Variants in GYS1 observed in about 807,000 individuals in gnomAD.
GYS1 encodes the protein glycogen synthase 1, also known as glycogen [starch] synthase, muscle.
A neutral mutation model predicts 89.1 loss-of-function variants in GYS1; 60 were observed. That is an observed-to-expected ratio of 0.67 (90% CI 0.55 to 0.84). The LOEUF (loss-of-function observed/expected upper bound fraction) is 0.84. Ranked by LOEUF, GYS1 falls within the 40% of genes least tolerant of loss-of-function variation. GYS1 has a pLI of 0.00. For missense variants in GYS1, 888 were observed against 1,003.1 expected, an observed-to-expected ratio of 0.89 and a Z score of 1.55; for synonymous variants, 366 against 401.7, an observed-to-expected ratio of 0.91 and a Z score of 1.06.
At chr19:48,971,624 G>A (rs945884842) in intron 12 of GYS1, among the ~76,000 whole-genome samples, 1 of 150,722 alleles carries the variant, frequency 6.6e-6, no homozygotes, top group South Asian at 2.1e-4. Context: ...GCACAATCTC[G>A]GCTCACTGCA....
chr19:48,975,666 G>A (rs28491935), intron 10 of GYS1, among the ~76,000 whole-genome samples: 2,633 of 151,940 alleles, frequency 0.017, 39 homozygotes, highest in Middle Eastern at 0.037. Flanking sequence ...GGTGGCTCAC[G>A]CCTGTAATCC....
At chr19:48,986,619 C>T (rs190161055) in intron 3 of GYS1, among the ~76,000 whole-genome samples, 2 of 151,778 alleles carry the variant, frequency 1.3e-5, no homozygotes, top group East Asian at 3.9e-4. Flanking sequence ...TCTCCTGTCT[C>T]AGCCTCCCAA....
At chr19:48,977,115 TG>T (rs946222526) in intron 10 of GYS1, among the ~76,000 whole-genome samples, 2 of 150,512 alleles carry the variant, frequency 1.3e-5, no homozygotes, top group African/African-American at 4.9e-5. Context: ...TGGGGGTGGG[TG>T]GGGGGCTAGT....
chr19:48,988,584 T>C (rs1246889056), intron 2 of GYS1, among the ~76,000 whole-genome samples: 1 of 151,670 alleles, frequency 6.6e-6, no homozygotes, highest in African/African-American at 2.4e-5. Context: ...TCCCAAAGTG[T>C]TGAGATTAGA....
chr19:48,977,219 C>T (rs1193151354), intron 10 of GYS1, among the ~76,000 whole-genome samples: 2 of 152,306 alleles, frequency 1.3e-5, no homozygotes, highest in South Asian at 2.1e-4. Context: ...GATCTTCCTG[C>T]TTTGGCCTCT....
rs745846340 is a variant in GYS1, at chr19:48,985,873, C to G, written c.655G>C (p.Asp219His). ...LGRYLCAGAVDFYNNLENFNV... is the reference protein window; with the variant it reads ...LGRYLCAGAVHFYNNLENFNV... ...ACGTTCTCCAGGTTGTTGTAGAAGT[C>G]CACGGCACCGGCACACAGGTAGCGC... is the stretch of plus-strand genomic sequence containing the variant. The change falls in exon 4 of 16, where the codon GAC becomes CAC. Residue 219 changes from aspartate (D) to histidine (H), a missense_variant. Physicochemically the swap from Asp to His is moderately conservative, Grantham distance 81. Transcript: ENST00000323798. 1.4e-5 allele frequency: 22 copies of G among 1,613,562 alleles called. No individual in the cohort carries two copies. Among genetic ancestry groups the G allele is most frequent in the Non-Finnish European group, 1.9e-5 (22 of 1,180,050 alleles).
chr19:48,970,203 C>A, intron 14 of GYS1: 1 of 457,070 alleles, frequency 2.2e-6, no homozygotes, highest in Non-Finnish European at 4.0e-6. Context: ...AGGCTCACTG[C>A]AGCCTCAACC....
Position 48,969,775 on chromosome 19 carries a change from C to T in GYS1, c.1890G>A (p.Ala630=), listed in dbSNP as rs142457302. 54 of 1,613,524 alleles carry T rather than the reference C, an allele frequency of 3.3e-5. 2 individuals carry two copies. In the Admixed American group the frequency reaches 4.5e-4, roughly 13 times the overall value. ...HFTYEPNEAD[A]AQGYRYPRPA... The stretch of plus-strand genomic sequence containing the variant: ...AAGCAGAAATCCAGGGTCCACTCAC[C>T]GCATCCGCCTCGTTGGGCTCGTAGG... The change falls in exon 15 of 16, where the codon GCG becomes GCA. Residue 630 remains alanine (A), a splice_region_variant and synonymous_variant. Transcript: ENST00000323798.
intron 6 of GYS1, 74 bp from the exon 7 acceptor site, chr19:48,982,449 A>G (rs2038780953): frequency 6.3e-7 from 1 of 1,574,926 alleles, no homozygotes; most frequent in African/African-American, 1.3e-5. Flanking sequence ...TACAAATCCC[A>G]GAAGCTATGG....
intron 5 of GYS1, 82 bp downstream of exon 5, chr19:48,985,379 T>C: frequency 7.0e-7 from 1 of 1,428,664 alleles, no homozygotes; most frequent in Non-Finnish European, 9.8e-7. Flanking sequence ...TACAGTGGGC[T>C]TCTTGGGCTG....
In GYS1 at chr19:48,969,163, T is replaced by A. The variant is rs185997302; in HGVS notation, c.*125A>T. On this transcript the variant is annotated 3_prime_UTR_variant, in exon 16 of 16. Coordinates refer to ENST00000323798, the MANE Select transcript of GYS1 (RefSeq NM_002103.5). ...GGAGGGGGTGGAGTGTTTGGCGGAC[T>A]GGGTGGGGGCACTGCGGGGCCACAC... 1 of 816,464 alleles carries A rather than the reference T, an allele frequency of 1.2e-6. No individual in the cohort carries two copies. The highest frequency in any genetic ancestry group is 2.7e-5 in the East Asian group (1 of 37,402). 50.6% of individuals were successfully genotyped at this position (816,464 alleles called of 1,614,324 possible).
chr19:48,977,025 G>A (rs757451663), intron 10 of GYS1, among the ~76,000 whole-genome samples: 3 of 152,066 alleles, frequency 2.0e-5, no homozygotes, highest in African/African-American at 4.8e-5. Context: ...CTGGGCTCAA[G>A]CGATCCTCCC....
chr19:48,991,449 C>T lies in GYS1; in HGVS notation c.153G>A (p.Ala51=), dbSNP rs754432159. The T allele has an allele frequency of 6.2e-6, 10 of 1,614,018 alleles. No individual in the cohort carries two copies. The highest frequency in any genetic ancestry group is 1.6e-4 in the Middle Eastern group (1 of 6,084). Residue 51 remains alanine, a synonymous_variant, in exon 2 of 16, where the codon GCG becomes GCA. Coordinates refer to ENST00000323798, the MANE Select transcript of GYS1 (RefSeq NM_002103.5). This position sits in a 1 kb window ranked among gnomAD's most constrained non-coding sequence, Gnocchi z 4.7. ...GGIYTVLQTK[A]KVTGDEWGDN... is the part of the protein sequence containing the mutation. ...CGCCCCATTCGTCCCCTGTCACCTT[C>T]GCCTTCGTCTGCAGCACCGTGTAGA... is the stretch of plus-strand genomic sequence containing the variant.
intron 15 of GYS1, 32 bp from the exon 16 acceptor site, chr19:48,969,643 T>A: frequency 1.3e-6 from 2 of 1,562,824 alleles, no homozygotes; most frequent in Middle Eastern, 4.4e-4. Flanking sequence ...CAAACCAGGG[T>A]GAGCTGAGGA....
chr19:48,982,425 C>A, intron 6 of GYS1, 50 bp from the exon 7 acceptor site: 1 of 1,611,904 alleles, frequency 6.2e-7, no homozygotes, highest in Non-Finnish European at 8.5e-7. Flanking sequence ...ACCCGCTAGC[C>A]CTGGCCTCAA....
At position 48,978,106 on chromosome 19, in the gene GYS1, G is replaced by A; in HGVS notation, c.1221C>T (p.Ser407=). ...GAGGGTGGGGCACTCACACCAGTAA[G>A]GATTCATAAAGCTTCCTCCCGAACT... The part of the protein sequence containing the change: ...KEKFGRKLYE[S]LLVGSLPDMN... The change falls in exon 9 of 16, where the codon TCC becomes TCT. Residue 407 remains serine (S), a synonymous_variant. Coordinates refer to ENST00000323798, the MANE Select transcript of GYS1 (RefSeq NM_002103.5). 1 of 1,613,942 alleles carries A rather than the reference G, an allele frequency of 6.2e-7. No individual in the cohort carries two copies. Among genetic ancestry groups the A allele is most frequent in the Non-Finnish European group, 8.5e-7 (1 of 1,179,818 alleles).
intron 14 of GYS1, chr19:48,970,149 G>T: frequency 2.0e-6 from 1 of 498,890 alleles, no homozygotes; most frequent in Non-Finnish European, 3.6e-6. Context: ...TTTAAACACG[G>T]TCTTGTTCTG....
At chr19:48,980,251 C>T (rs984052194) in intron 8 of GYS1, among the ~76,000 whole-genome samples, 1 of 152,226 alleles carries the variant, frequency 6.6e-6, no homozygotes, top group Non-Finnish European at 1.5e-5. Flanking sequence ...TGCCCAATAA[C>T]ACTTTCTCAG....
In GYS1 at chr19:48,983,842, A is replaced by G. The variant is rs74814346; in HGVS notation, c.824-1005T>C. 7.1e-3 allele frequency among the ~76,000 whole-genome samples: 1,088 copies of G among 152,350 alleles called. 13 individuals carry two copies. Among genetic ancestry groups the G allele is most frequent in the East Asian group, 0.043 (221 of 5,186 alleles). On this transcript the variant is annotated intron_variant, in intron 5 of 15. Transcript: ENST00000323798. ...TTATCATATCTGAAATTAATATGAA[A>G]GAAATTATACCTCCCATTAGCCTCC...
Sources: allele counts gnomAD v4.1 joint callset (sites outside exome capture counted in the v4.1 genomes callset), GRCh38; gene constraint gnomAD v4.1.1; non-coding constraint Gnocchi (gnomAD v3.1); transcripts MANE v1.5; gene names NCBI Gene and HGNC (gene_info 2026-07-23, HGNC 2026-07-21).